The following GTF3C1 variants were observed in gnomAD, a reference collection of about 807,000 sequenced individuals.
GTF3C1 encodes general transcription factor 3C polypeptide 1.
Under a neutral mutation model 226.7 loss-of-function variants are expected in GTF3C1, and 57 were observed. The ratio of observed to expected loss-of-function variants is 0.25; its 90% CI spans 0.20 to 0.31. The LOEUF (loss-of-function observed/expected upper bound fraction) is 0.31, where lower values mean the gene tolerates loss of function less well. Ranked by LOEUF, GTF3C1 falls within the 10% of genes least tolerant of loss-of-function variation. The probability of loss-of-function intolerance (pLI) is 1.00; values close to 1 mark genes in which losing one functional copy is unlikely to be tolerated. For synonymous variants in GTF3C1, 1,090 were observed against 1,084.8 expected (o/e 1.00, Z -0.09); for missense variants, 2,217 against 2,776.1 (o/e 0.80, Z 4.53).
At position 27,492,460 on chromosome 16, in the gene GTF3C1, G is replaced by A. The variant is rs1481038862; in HGVS notation, c.3029C>T (p.Pro1010Leu). The change falls in exon 19 of 37, where the codon CCA becomes CTA. Residue 1010 changes from proline (P) to leucine (L), a missense_variant. Physicochemically the swap from Pro to Leu is moderately conservative, Grantham distance 98 (BLOSUM62 -3). Around this residue, in one of 12 missense-constraint regions of GTF3C1, gnomAD observed 353 missense variants for 411.7 expected, o/e 0.86. Coordinates refer to ENST00000356183, the MANE Select transcript of GTF3C1 (RefSeq NM_001520.4). The surrounding 1 kb of genome is among the most constrained non-coding windows in gnomAD (Gnocchi z 5.0). ...AVIVDTTICD[P>L]HYNLARSSRP... ...GCTGCTGCGGGCCAGGTTGTAATGT[G>A]GGTCGCAGATGGTAGTGTCAACAAT... is the stretch of plus-strand genomic sequence containing the variant. 1 of 1,613,038 alleles carries A rather than the reference G, an allele frequency of 6.2e-7. No homozygotes were observed. The highest frequency in any genetic ancestry group is 1.1e-5 in the South Asian group (1 of 91,060).
rs199943601 is a variant in GTF3C1 at position 27,497,810 on chromosome 16, G to A, written c.2177C>T (p.Ser726Phe). Reference protein sequence around the residue: ...NSSTANRVKTSQPPVPQGEAE... With the variant: ...NSSTANRVKTFQPPVPQGEAE... Reference sequence around the variant, plus strand: ...CTCCCCTTGGGGCACTGGAGGCTGGGAAGTTTTAACCCTGCAGTTCAAATA... The same window carrying A: ...CTCCCCTTGGGGCACTGGAGGCTGGAAAGTTTTAACCCTGCAGTTCAAATA... Residue 726 changes from serine to phenylalanine, a missense_variant, in exon 14 of 37, where the codon TCC becomes TTC. By Grantham distance (155) the Ser-to-Phe change is radical. Coordinates refer to ENST00000356183, the MANE Select transcript of GTF3C1 (RefSeq NM_001520.4). The A allele has an allele frequency of 2.2e-4, 350 of 1,612,556 alleles. 1 individual carries two copies. The highest frequency in any genetic ancestry group is 1.3e-3 in the Middle Eastern group (8 of 6,054).
intron 10 of GTF3C1, among the ~76,000 whole-genome samples, chr16:27,504,368 C>A (rs1269884929): frequency 6.6e-6 from 1 of 152,216 alleles, no homozygotes; most frequent in Non-Finnish European, 1.5e-5. Context: ...TGCTGGAAGG[C>A]CCGGCCTCTC....
intron 27 of GTF3C1, among the ~76,000 whole-genome samples, chr16:27,479,146 G>A (rs773284372): frequency 3.3e-5 from 5 of 152,258 alleles, no homozygotes; most frequent in East Asian, 3.9e-4. Context: ...TTGGTGAGGC[G>A]ACAGATATGT....
chr16:27,461,687 G>C lies in GTF3C1; in HGVS notation c.6118-125C>G. On this transcript the variant is annotated intron_variant, in intron 36 of 36. Transcript: ENST00000356183. This position sits in a 1 kb window ranked among gnomAD's most constrained non-coding sequence, Gnocchi z 5.3. ...CCACTTCCCAGAGCAGGGGGCACCTGAACTGGGCATGAGGCAGATGGGGAT... is the reference window on the plus strand; with the variant it reads ...CCACTTCCCAGAGCAGGGGGCACCTCAACTGGGCATGAGGCAGATGGGGAT... 2.8e-6 allele frequency: 2 copies of C among 706,258 alleles called. No individual in the cohort carries two copies. Among genetic ancestry groups the C allele is most frequent in the Non-Finnish European group, 2.4e-6 (1 of 412,216 alleles). The allele number at this position is 706,258 out of a possible 1,614,324, so 43.7% of individuals were successfully genotyped here. A position where few individuals can be genotyped will look rare whatever the true frequency, so the allele number is the denominator to read the frequency against.
chr16:27,510,413 C>A (rs777256337), intron 7 of GTF3C1, among the ~76,000 whole-genome samples: 9 of 151,402 alleles, frequency 5.9e-5, no homozygotes, highest in Non-Finnish European at 7.4e-5. Flanking sequence ...CAAAATTAGC[C>A]GGGCACAGTG....
intron 1 of GTF3C1, among the ~76,000 whole-genome samples, chr16:27,546,928 A>G (rs2089172896): frequency 1.3e-5 from 2 of 151,902 alleles, no homozygotes; most frequent in Non-Finnish European, 2.9e-5. Context: ...CACCACACCC[A>G]GCTAATTTTT....
At position 27,461,056 on chromosome 16, in the gene GTF3C1, C is replaced by G. The variant is rs56053126; in HGVS notation, c.*294G>C. On this transcript the variant is annotated 3_prime_UTR_variant, in exon 37 of 37. Transcript: ENST00000356183. This position sits in a 1 kb window ranked among gnomAD's most constrained non-coding sequence, Gnocchi z 5.3. ...GTCTGGAATGTGAGGTGTGCACAGG[C>G]GGGGCAAACTCTGGAGACCCAGAGA... 2.9e-6 allele frequency: 1 copy of G among 345,350 alleles called. No homozygotes were observed. Among genetic ancestry groups the G allele is most frequent in the Non-Finnish European group, 5.4e-6 (1 of 186,158 alleles). 21.4% of individuals were successfully genotyped at this position (345,350 alleles called of 1,614,324 possible). A position where few individuals can be genotyped will look rare whatever the true frequency, so the allele number is the denominator to read the frequency against.
rs1467892899 is a variant in GTF3C1 at position 27,479,352 on chromosome 16, C to T, written c.4197-821G>A. 2.6e-5 allele frequency among the ~76,000 whole-genome samples: 4 copies of T among 151,938 alleles called. 1 individual carries two copies. The South Asian group carries it at 8.3e-4, about 31-fold the overall frequency. ...TTGAGTTTCATGTAATATTATTTTACTGTATGTATACCAAGCAAGTAAATT... is the reference window on the plus strand; with the variant it reads ...TTGAGTTTCATGTAATATTATTTTATTGTATGTATACCAAGCAAGTAAATT... On this transcript the variant is annotated intron_variant, in intron 27 of 36. Coordinates refer to ENST00000356183, the MANE Select transcript of GTF3C1 (RefSeq NM_001520.4).
Position 27,462,371 on chromosome 16 carries a change from G to A in GTF3C1, c.6040C>T (p.Pro2014Ser), listed in dbSNP as rs750159671. ...EAMLYHIMTR[P>S]GIPESSLLRH... ...AGCAGGGAGCTCTCGGGGATGCCAG[G>A]CCTGGTCATGATGTGGTACAGCATG... is the stretch of plus-strand genomic sequence containing the variant. The change falls in exon 36 of 37, where the codon CCT becomes TCT. Residue 2014 changes from proline (P) to serine (S), a missense_variant. Physicochemically the swap from Pro to Ser is moderately conservative, Grantham distance 74. Transcript: ENST00000356183. The surrounding 1 kb of genome is among the most constrained non-coding windows in gnomAD (Gnocchi z 4.5). 23 of 1,598,986 alleles carry A rather than the reference G, an allele frequency of 1.4e-5. No individual in the cohort carries two copies. The highest frequency in any genetic ancestry group is 1.9e-5 in the Non-Finnish European group (22 of 1,173,000).
chr16:27,548,423 C>T (rs745765654), intron 1 of GTF3C1, among the ~76,000 whole-genome samples: 5 of 152,142 alleles, frequency 3.3e-5, no homozygotes, highest in African/African-American at 4.8e-5. Flanking sequence ...TGCGCCACCA[C>T]GCCAGGCTAA....
intron 25 of GTF3C1, 130 bp from the exon 26 acceptor site, chr16:27,483,255 T>C (rs2088084503): frequency 1.2e-6 from 1 of 827,996 alleles, no homozygotes; most frequent in African/African-American, 1.7e-5. Context: ...TATATGCCTG[T>C]TGCACAACTG....
chr16:27,469,685 G>C lies in GTF3C1; in HGVS notation c.4815-135C>G, dbSNP rs2087837157. 3.1e-6 allele frequency: 3 copies of C among 969,620 alleles called. No homozygotes were observed. Among genetic ancestry groups the C allele is most frequent in the South Asian group, 1.6e-5 (1 of 64,106 alleles). 60.1% of individuals were successfully genotyped at this position (969,620 alleles called of 1,614,324 possible). On this transcript the variant is annotated intron_variant, in intron 31 of 36. Transcript: ENST00000356183. This position sits in a 1 kb window ranked among gnomAD's most constrained non-coding sequence, Gnocchi z 4.5. ...GCAACTGGCTATGCTTCATTACCAA[G>C]GCTGGTGTGGATGGCTGCCCCAGAT...
At position 27,463,674 on chromosome 16, in the gene GTF3C1, A is replaced by G. The variant is rs2087738336; in HGVS notation, c.5873-82T>C. On this transcript the variant is annotated intron_variant, in intron 34 of 36. Coordinates refer to ENST00000356183, the MANE Select transcript of GTF3C1 (RefSeq NM_001520.4). The surrounding 1 kb of genome is among the most constrained non-coding windows in gnomAD (Gnocchi z 4.9). ...CCCTCCAACCTTCAGCATGGTACCT[A>G]GCATGAGCAGGGCACCTCGAGGCTC... is the stretch of plus-strand genomic sequence containing the variant. 3.7e-6 allele frequency: 3 copies of G among 812,422 alleles called. No individual in the cohort carries two copies. Among genetic ancestry groups the G allele is most frequent in the Non-Finnish European group, 6.7e-6 (3 of 450,660 alleles). The allele number at this position is 812,422 out of a possible 1,614,324, so 50.3% of individuals were successfully genotyped here.
At chr16:27,520,927 C>G (rs1167859162) in intron 6 of GTF3C1, among the ~76,000 whole-genome samples, 1 of 152,224 alleles carries the variant, frequency 6.6e-6, no homozygotes, top group Non-Finnish European at 1.5e-5. Flanking sequence ...CCATGTTGGC[C>G]AGGCTGATCT....
chr16:27,539,443 T>G (rs1596662582), intron 2 of GTF3C1, among the ~76,000 whole-genome samples: 1 of 152,226 alleles, frequency 6.6e-6, no homozygotes, highest in Admixed American at 6.5e-5. Context: ...TCGCTGATGA[T>G]GGAGACTCCA....
intron 7 of GTF3C1, among the ~76,000 whole-genome samples, chr16:27,509,380 T>C (rs1009662670): frequency 1.1e-4 from 16 of 152,058 alleles, no homozygotes; most frequent in East Asian, 1.9e-4. Flanking sequence ...GCTTAGGAAC[T>C]GGGAGGTGGG....
Position 27,463,457 on chromosome 16 carries a change from C to A in GTF3C1, c.5924+84G>T, listed in dbSNP as rs554219219. 3.8e-5 allele frequency: 31 copies of A among 817,106 alleles called. No individual in the cohort carries two copies. The African/African-American group carries it at 5.1e-4, about 14-fold the overall frequency. The allele number at this position is 817,106 out of a possible 1,614,324, so 50.6% of individuals were successfully genotyped here. A position where few individuals can be genotyped will look rare whatever the true frequency, so the allele number is the denominator to read the frequency against. ...CAGAGCTGGTACCTGGGGAAAGACCCTCAAAGACCCTCACACAAATCCTTA... is the reference window on the plus strand; with the variant it reads ...CAGAGCTGGTACCTGGGGAAAGACCATCAAAGACCCTCACACAAATCCTTA... On this transcript the variant is annotated intron_variant, in intron 35 of 36. Transcript: ENST00000356183. The surrounding 1 kb of genome is among the most constrained non-coding windows in gnomAD (Gnocchi z 4.9).
At chr16:27,538,047 C>G in intron 3 of GTF3C1, 120 bp from the exon 4 acceptor site, 1 of 1,332,664 alleles carries the variant, frequency 7.5e-7, no homozygotes, top group Non-Finnish European at 1.0e-6. Flanking sequence ...CCTAAGAAAA[C>G]AGTCACTGTG....
At chr16:27,490,755 C>T (rs985041062) in intron 19 of GTF3C1, among the ~76,000 whole-genome samples, 4 of 152,280 alleles carry the variant, frequency 2.6e-5, no homozygotes, top group Non-Finnish European at 4.4e-5. Flanking sequence ...GTGATTCTTA[C>T]GCAGGCTAAT....
Sources: gnomAD v4.1 joint callset for allele counts (sites outside exome capture counted in the v4.1 genomes callset) on GRCh38, gnomAD v4.1.1 for gene constraint, gnomAD v4.1.1 regional missense constraint, Gnocchi (gnomAD v3.1) non-coding constraint, MANE v1.5 for transcripts, NCBI Gene and HGNC (gene_info 2026-07-23, HGNC 2026-07-21) for gene names.